PTPRT: variants seen among roughly 807,000 people sequenced by gnomAD.
The protein encoded by PTPRT is receptor-type tyrosine-protein phosphatase T.
In PTPRT, 56 loss-of-function variants were observed where a neutral mutation model predicts 176.8. The observed-to-expected ratio is 0.32, with a 90% confidence interval of 0.26 to 0.40. The LOEUF (loss-of-function observed/expected upper bound fraction) is 0.40. Among genes scored for constraint, PTPRT ranks in the 10% least tolerant of loss-of-function variants. The pLI, the probability that PTPRT is intolerant of heterozygous loss-of-function variation, is 1.00. For synonymous variants in PTPRT, 783 were observed against 739.0 expected (o/e 1.06, Z -0.96); for missense variants, 1,540 against 1,908.2 (o/e 0.81, Z 3.60).
At position 42,248,733 on chromosome 20, in the gene PTPRT, TGAG is replaced by T; in HGVS notation, c.2263_2265del (p.Leu755del). 1.2e-6 allele frequency: 2 copies of T among 1,614,022 alleles called. No individual in the cohort carries two copies. Among genetic ancestry groups the T allele is most frequent in the Non-Finnish European group, 8.5e-7 (1 of 1,179,954 alleles). ...ACGCCCAGGAGAATGATGATGAACA[TGAG>T]GAGGCCAGCGATCACGCCAGCCATC... On this transcript the variant is annotated inframe_deletion, in exon 14 of 31. Transcript: ENST00000373187.
At chr20:43,047,935 T>G (rs1015675001) in intron 1 of PTPRT, among the ~76,000 whole-genome samples, 5 of 152,162 alleles carry the variant, frequency 3.3e-5, no homozygotes, top group Non-Finnish European at 5.9e-5. Context: ...ATCACCACCA[T>G]GACACACTGC....
chr20:42,351,543 C>T (rs534932524), intron 10 of PTPRT, among the ~76,000 whole-genome samples: 20 of 152,176 alleles, frequency 1.3e-4, no homozygotes, highest in African/African-American at 4.3e-4. Context: ...TGTATGCAGA[C>T]CAGAATTGCA....
chr20:42,472,370 A>G lies in PTPRT; in HGVS notation c.1346T>C (p.Leu449Pro). 1 of 1,614,196 alleles carries G rather than the reference A, an allele frequency of 6.2e-7. No individual in the cohort carries two copies. The highest frequency in any genetic ancestry group is 8.5e-7 in the Non-Finnish European group (1 of 1,180,026). The change falls in exon 8 of 31, where the codon CTG (leucine) becomes CCG (proline). Residue 449 changes from leucine to proline, a missense_variant. By Grantham distance (98) the Leu-to-Pro change is moderately conservative. This residue lies in a region of PTPRT where 79 missense variants were observed against 80.0 expected (regional missense o/e 0.99). Transcript: ENST00000373187. ...EVIQTSSHYT[L>P]RGLRPFMTIR... ...GGTCATGAAGGGGCGCAGGCCTCGC[A>G]GGGTGTAGTGGGAGGAGGTCTGGAT...
intron 20 of PTPRT, 61 bp downstream of exon 20, chr20:42,119,874 G>A: frequency 6.9e-7 from 1 of 1,455,424 alleles, no homozygotes. Flanking sequence ...AGTTAAGAGA[G>A]CCCTTTCCCC....
chr20:42,752,493 G>A (rs73098040), intron 6 of PTPRT, among the ~76,000 whole-genome samples: 5,581 of 152,262 alleles, frequency 0.037, 167 homozygotes, highest in Non-Finnish European at 0.055. Context: ...GCCCTGAACT[G>A]GAACCAAAGG....
chr20:43,016,735 AC>A (rs1419037852), intron 1 of PTPRT, among the ~76,000 whole-genome samples: 1 of 151,258 alleles, frequency 6.6e-6, no homozygotes, highest in African/African-American at 2.4e-5. Context: ...ACAGGATTTC[AC>A]TATGTTGGCC....
intron 9 of PTPRT, among the ~76,000 whole-genome samples, chr20:42,393,177 G>A (rs1319600051): frequency 6.6e-6 from 1 of 152,180 alleles, no homozygotes; most frequent in African/African-American, 2.4e-5. Flanking sequence ...ACTTTCTTCA[G>A]GGGAGAAGGC....
intron 7 of PTPRT, among the ~76,000 whole-genome samples, chr20:42,512,209 C>G (rs79568821): frequency 6.6e-6 from 1 of 152,094 alleles, no homozygotes; most frequent in Non-Finnish European, 1.5e-5. Flanking sequence ...CATGTAACCA[C>G]CACCACTATC....
At chr20:42,382,233 T>C (rs139896434) in intron 9 of PTPRT, among the ~76,000 whole-genome samples, 34 of 152,326 alleles carry the variant, frequency 2.2e-4, no homozygotes, top group African/African-American at 7.9e-4. Context: ...ATGGCATCTA[T>C]AGAGGAGACT....
intron 9 of PTPRT, among the ~76,000 whole-genome samples, chr20:42,363,693 T>C (rs985754984): frequency 3.3e-5 from 5 of 152,078 alleles, no homozygotes; most frequent in African/African-American, 4.8e-5. Flanking sequence ...TTTCCACACA[T>C]TACTCGTTTA....
chr20:42,451,123 G>A (rs2070820064), intron 8 of PTPRT, among the ~76,000 whole-genome samples: 1 of 152,124 alleles, frequency 6.6e-6, no homozygotes, highest in African/African-American at 2.4e-5. Flanking sequence ...TCGGGAGAAA[G>A]AATTGTAACG....
chr20:42,467,005 G>A (rs1328898044), intron 8 of PTPRT, among the ~76,000 whole-genome samples: 3 of 152,150 alleles, frequency 2.0e-5, no homozygotes, highest in Admixed American at 1.3e-4. Context: ...CACAGAGAAT[G>A]GCAGTAGAGG....
intron 9 of PTPRT, among the ~76,000 whole-genome samples, chr20:42,409,342 C>T (rs1342350954): frequency 2.0e-5 from 3 of 151,662 alleles, no homozygotes; most frequent in Non-Finnish European, 4.4e-5. Context: ...ATTAGCCGGG[C>T]ATGGTGTCTC....
intron 17 of PTPRT, among the ~76,000 whole-genome samples, chr20:42,145,176 T>C (rs1405857377): frequency 1.3e-5 from 2 of 152,156 alleles, no homozygotes; most frequent in African/African-American, 2.4e-5. Context: ...CAAATGGTCA[T>C]GGCTATGTTC....
intron 7 of PTPRT, among the ~76,000 whole-genome samples, chr20:42,572,953 T>C (rs2073184885): frequency 7.6e-6 from 1 of 131,588 alleles, no homozygotes; most frequent in Admixed American, 8.2e-5. Context: ...CTAAACACAA[T>C]TGATAGCCTT....
intron 2 of PTPRT, among the ~76,000 whole-genome samples, chr20:42,877,870 T>C (rs1216705349): frequency 6.6e-6 from 1 of 152,146 alleles, no homozygotes; most frequent in African/African-American, 2.4e-5. Context: ...AGGGAGTACC[T>C]AAGCTAAGAG....
At chr20:42,126,025 T>TGGGGGGGGG (rs144977174) in intron 19 of PTPRT, among the ~76,000 whole-genome samples, 12 of 41,796 alleles carry the variant, frequency 2.9e-4, no homozygotes, top group African/African-American at 3.3e-4. Context: ...TGTCTGGGAG[T>TGGGGGGGGG]GGGGGGGGGG....
the PTPRT span, among the ~76,000 whole-genome samples, chr20:42,039,285 TA>T: frequency 2.6e-5 from 4 of 152,170 alleles, no homozygotes; most frequent in Non-Finnish European, 5.9e-5. Context: ...GCATATGTGG[TA>T]AAATGGCTAA....
rs554064288 is a variant in PTPRT at position 43,031,571 on chromosome 20, G to A, written c.89-145639C>T. ...ACACTGGCACAACACTTTCCAGTAC[G>A]TTCTATTTTTACAGACAAGAACATG... On this transcript the variant is annotated intron_variant, in intron 1 of 30. Coordinates refer to ENST00000373187, the MANE Select transcript of PTPRT (RefSeq NM_007050.6). Among the ~76,000 whole-genome samples, 10 of 152,252 alleles carry A rather than the reference G, an allele frequency of 6.6e-5. No homozygotes were observed. In the South Asian group the frequency reaches 1.7e-3, roughly 25 times the overall value.
Sources: gnomAD v4.1 joint callset for allele counts (sites outside exome capture counted in the v4.1 genomes callset) on GRCh38, gnomAD v4.1.1 for gene constraint, gnomAD v4.1.1 regional missense constraint, MANE v1.5 for transcripts, NCBI Gene and HGNC (gene_info 2026-07-23, HGNC 2026-07-21) for gene names.